Variants in JHY observed in about 807,000 individuals in gnomAD.
JHY encodes jhy protein homolog.
A neutral mutation model predicts 78.0 loss-of-function variants in JHY; 69 were observed. The ratio of observed to expected loss-of-function variants is 0.88; its 90% CI spans 0.73 to 1.08. JHY has a LOEUF of 1.08. Ranked by LOEUF, JHY falls within the 50% of genes least tolerant of loss-of-function variation. The pLI, the probability that JHY is intolerant of heterozygous loss-of-function variation, is 0.00. For missense variants in JHY, 944 were observed against 927.8 expected (o/e 1.02, Z -0.23); for synonymous variants, 368 against 342.6 (o/e 1.07, Z -0.82).
rs185939496 is a variant in JHY, at chr11:122,959,906, A to G, written c.*461A>G. The stretch of plus-strand genomic sequence containing the variant: ...TTTTGTGATAACATTTCAAAATATT[A>G]CTAAAATCTCCAAGTTTGGCAAAGG... On this transcript the variant is annotated 3_prime_UTR_variant, in exon 9 of 9. Transcript: ENST00000227349. 6.4e-4 allele frequency: 102 copies of G among 158,222 alleles called. 1 individual carries two copies. The highest frequency in any genetic ancestry group is 1.9e-3 in the South Asian group (10 of 5,228). 9.8% of individuals were successfully genotyped at this position (158,222 alleles called of 1,614,324 possible).
At position 122,957,415 on chromosome 11, in the gene JHY, A is replaced by G. The variant is rs148347386; in HGVS notation, c.2063A>G (p.Asn688Ser). 1.3e-4 allele frequency: 197 copies of G among 1,536,784 alleles called. 1 individual carries two copies. In the African/African-American group the frequency reaches 2.4e-3, roughly 19 times the overall value. Residue 688 changes from asparagine (N) to serine (S), a missense_variant, in exon 8 of 9, where the codon AAC becomes AGC. Coordinates refer to ENST00000227349, the MANE Select transcript of JHY (RefSeq NM_024806.4). ...KEYAKQVKEY[N>S]MKTLSILSKP... ...TATGCAAAACAAGTCAAGGAGTACA[A>G]CATGAAGACACTATCCATTCTATCA...
At chr11:122,937,821 T>A (rs1409358003) in intron 5 of JHY, among the ~76,000 whole-genome samples, 11 of 152,110 alleles carry the variant, frequency 7.2e-5, no homozygotes, top group African/African-American at 2.4e-4. Context: ...CTCCATTGCT[T>A]GAGAGGTAAA....
chr11:122,944,833 C>T (rs1863932969), intron 5 of JHY, among the ~76,000 whole-genome samples: 1 of 152,100 alleles, frequency 6.6e-6, no homozygotes, highest in Non-Finnish European at 1.5e-5. Context: ...CTGGTTTCTG[C>T]ATTGCTTTGA....
At chr11:122,929,085 G>A (rs991698391) in intron 4 of JHY, among the ~76,000 whole-genome samples, 1 of 152,028 alleles carries the variant, frequency 6.6e-6, no homozygotes, top group East Asian at 1.9e-4. Flanking sequence ...GTGCCACCAC[G>A]CCTCGCTAAT....
chr11:122,906,073 T>C (rs1862985340), intron 3 of JHY, among the ~76,000 whole-genome samples: 1 of 152,208 alleles, frequency 6.6e-6, no homozygotes, highest in Non-Finnish European at 1.5e-5. Context: ...GTTTTTAGTA[T>C]TTTTACCCAA....
chr11:122,894,355 G>A (rs767378957), intron 2 of JHY, among the ~76,000 whole-genome samples: 35 of 151,942 alleles, frequency 2.3e-4, no homozygotes, highest in Admixed American at 5.9e-4. Context: ...AAAAAGCCAC[G>A]TAAAAGAAGA....
chr11:122,941,620 C>A lies in JHY; in HGVS notation c.1635-4878C>A, dbSNP rs567943050. Among the ~76,000 whole-genome samples the A allele has an allele frequency of 5.9e-5, 9 of 152,314 alleles. No homozygotes were observed. The South Asian group carries it at 1.7e-3, about 28-fold the overall frequency. ...CTCAAAATTACTTCATAAATTAATT[C>A]TTTTCTCTTGGTAGAGGTAATCAGT... is the stretch of plus-strand genomic sequence containing the variant. On this transcript the variant is annotated intron_variant, in intron 5 of 8. Coordinates refer to ENST00000227349, the MANE Select transcript of JHY (RefSeq NM_024806.4).
intron 3 of JHY, chr11:122,905,334 A>G (rs779590017): frequency 8.2e-5 from 128 of 1,555,358 alleles, no homozygotes; most frequent in Non-Finnish European, 1.1e-4. Flanking sequence ...GGTAGAGTCC[A>G]CCACTCTTAC....
intron 2 of JHY, among the ~76,000 whole-genome samples, chr11:122,891,742 T>C (rs894717745): frequency 6.6e-6 from 1 of 152,128 alleles, no homozygotes; most frequent in African/African-American, 2.4e-5. Flanking sequence ...TTATCCCCAT[T>C]TTGCAGATAA....
intron 2 of JHY, among the ~76,000 whole-genome samples, chr11:122,890,531 G>A (rs1862590933): frequency 2.0e-5 from 3 of 152,100 alleles, no homozygotes; most frequent in Admixed American, 2.0e-4. Context: ...AGGTATTTTT[G>A]TCTGTATTTT....
rs565911503 is a variant in JHY, at chr11:122,930,755, T to C, written c.979-3665T>C. ...GGTTGTGTGCCCAGACTGAATGCAG[T>C]ATGTTTAAGGCTCAGGACTCTTGCT... On this transcript the variant is annotated intron_variant, in intron 4 of 8. Coordinates refer to ENST00000227349, the MANE Select transcript of JHY (RefSeq NM_024806.4). 2.6e-5 allele frequency among the ~76,000 whole-genome samples: 4 copies of C among 152,310 alleles called. No homozygotes were observed. The South Asian group carries it at 8.3e-4, about 32-fold the overall frequency.
chr11:122,949,040 C>T (rs944581322), intron 6 of JHY, among the ~76,000 whole-genome samples: 8 of 151,022 alleles, frequency 5.3e-5, no homozygotes, highest in East Asian at 2.0e-4. Flanking sequence ...GCCGAGATTG[C>T]GCCACTGCAC....
rs369543085 is a variant in JHY at position 122,893,353 on chromosome 11, G to A, written c.344+7160G>A. Among the ~76,000 whole-genome samples the A allele has an allele frequency of 2.0e-3, 297 of 152,306 alleles. 1 individual carries two copies. The highest frequency in any genetic ancestry group is 0.01 in the Middle Eastern group (3 of 294). The stretch of plus-strand genomic sequence containing the variant: ...AACAGATGAGCAGTCATAGAGGGAA[G>A]TAAAGGGTGTGCATGGGCATGAATT... On this transcript the variant is annotated intron_variant, in intron 2 of 8. Coordinates refer to ENST00000227349, the MANE Select transcript of JHY (RefSeq NM_024806.4).
At position 122,898,093 on chromosome 11, in the gene JHY, C is replaced by A. The variant is rs1591371112; in HGVS notation, c.345-5832C>A. The stretch of plus-strand genomic sequence containing the variant: ...TAACGTCCTGTATTTCTTTACACAT[C>A]GAATTCATTAGTTGATTACTGTATT... On this transcript the variant is annotated intron_variant, in intron 2 of 8. Coordinates refer to ENST00000227349, the MANE Select transcript of JHY (RefSeq NM_024806.4). This position sits in a 1 kb window ranked among gnomAD's most constrained non-coding sequence, Gnocchi z 4.4. 2.0e-5 allele frequency among the ~76,000 whole-genome samples: 3 copies of A among 152,324 alleles called. No homozygotes were observed. The Middle Eastern group carries it at 0.01, about 518-fold the overall frequency.
intron 2 of JHY, among the ~76,000 whole-genome samples, chr11:122,891,392 G>T (rs1648470189): frequency 6.6e-6 from 1 of 152,082 alleles, no homozygotes. Flanking sequence ...ATTTGGAGCA[G>T]CATTGACTGT....
intron 4 of JHY, among the ~76,000 whole-genome samples, chr11:122,929,531 C>T (rs763599974): frequency 1.3e-5 from 2 of 152,078 alleles, no homozygotes; most frequent in African/African-American, 2.4e-5. Flanking sequence ...GAAAAGTTGA[C>T]ATAGTTGGTA....
intron 3 of JHY, among the ~76,000 whole-genome samples, chr11:122,909,584 A>T (rs1189200207): frequency 1.3e-5 from 2 of 152,164 alleles, no homozygotes; most frequent in African/African-American, 4.8e-5. Context: ...GTTTGTGACC[A>T]GTCTGGCCAA....
rs61910302 is a variant in JHY, at chr11:122,883,129, G to A, written c.-90+157G>A. Among the ~76,000 whole-genome samples the A allele has an allele frequency of 0.94, 143,686 of 152,064 alleles. 67,962 individuals are homozygous for A. Among genetic ancestry groups the A allele is most frequent in the Middle Eastern group, 0.98 (289 of 294 alleles). ...CGGGACGGAGTGGGGAGCGACAAGG[G>A]GGCGAGGCCGCGACAAGGGGCTGGG... On this transcript the variant is annotated intron_variant, in intron 1 of 8. Transcript: ENST00000227349. This position sits in a 1 kb window ranked among gnomAD's most constrained non-coding sequence, Gnocchi z 4.4.
intron 2 of JHY, among the ~76,000 whole-genome samples, chr11:122,897,144 C>T (rs567445982): frequency 3.9e-5 from 6 of 152,246 alleles, no homozygotes; most frequent in African/African-American, 9.6e-5. Context: ...CGTGAGCCAC[C>T]GCACCTGGCC....
Sources: gnomAD v4.1 joint callset for allele counts (sites outside exome capture counted in the v4.1 genomes callset) on GRCh38, gnomAD v4.1.1 for gene constraint, Gnocchi (gnomAD v3.1) non-coding constraint, MANE v1.5 for transcripts, NCBI Gene and HGNC (gene_info 2026-07-23, HGNC 2026-07-21) for gene names.